RBM47: variants seen among roughly 807,000 people sequenced by gnomAD.
The protein encoded by RBM47 is RNA-binding protein 47.
A neutral mutation model predicts 47.1 loss-of-function variants in RBM47; 21 were observed. That is an observed-to-expected ratio of 0.45 (90% CI 0.32 to 0.64). The LOEUF (loss-of-function observed/expected upper bound fraction) is 0.64, where lower values mean the gene tolerates loss of function less well. Ranked by LOEUF, RBM47 falls within the 30% of genes least tolerant of loss-of-function variation. The pLI is 0.05. For synonymous variants in RBM47, 375 were observed against 361.7 expected, an observed-to-expected ratio of 1.04 and a Z score of -0.42; for missense variants, 708 against 870.9, an observed-to-expected ratio of 0.81 and a Z score of 2.35.
chr4:40,471,764 T>G (rs1022900641), intron 2 of RBM47, among the ~76,000 whole-genome samples: 1 of 151,928 alleles, frequency 6.6e-6, no homozygotes, highest in African/African-American at 2.4e-5. Context: ...CCATTGCCCT[T>G]AGACTAAGTT....
intron 1 of RBM47, among the ~76,000 whole-genome samples, chr4:40,564,509 C>T (rs1435031907): frequency 6.6e-6 from 1 of 152,166 alleles, no homozygotes; most frequent in East Asian, 1.9e-4. Flanking sequence ...AGCCACCTAG[C>T]CTATCCTAAG....
chr4:40,568,230 AGC>A (rs1436770361), intron 1 of RBM47, among the ~76,000 whole-genome samples: 1 of 151,714 alleles, frequency 6.6e-6, no homozygotes, highest in Non-Finnish European at 1.5e-5. Context: ...GTTCGAGACC[AGC>A]CTGGGCAACA....
At chr4:40,443,038 T>G (rs1218756438) in intron 3 of RBM47, among the ~76,000 whole-genome samples, 4 of 152,164 alleles carry the variant, frequency 2.6e-5, no homozygotes, top group Admixed American at 1.3e-4. Flanking sequence ...GACATTATGC[T>G]AATAGTGAAA....
chr4:40,541,160 C>G (rs532423197), intron 2 of RBM47, among the ~76,000 whole-genome samples: 26 of 150,364 alleles, frequency 1.7e-4, no homozygotes. Context: ...CAGCTACTCA[C>G]GAGGCTGAGG....
At chr4:40,619,861 G>A (rs925482886) in intron 1 of RBM47, among the ~76,000 whole-genome samples, 3 of 152,236 alleles carry the variant, frequency 2.0e-5, no homozygotes, top group South Asian at 2.1e-4. Flanking sequence ...TGGGTACTTC[G>A]TATCCAGTGT....
chr4:40,568,793 T>C (rs931773774), intron 1 of RBM47, among the ~76,000 whole-genome samples: 5 of 151,876 alleles, frequency 3.3e-5, no homozygotes, highest in East Asian at 1.9e-4. Flanking sequence ...CCAGCCTAAC[T>C]AACATGGTGA....
chr4:40,505,873 C>A (rs566560164), intron 2 of RBM47, among the ~76,000 whole-genome samples: 3 of 149,682 alleles, frequency 2.0e-5, no homozygotes, highest in African/African-American at 7.4e-5. Flanking sequence ...GGTGACAGAG[C>A]GAGAGTCTGT....
intron 1 of RBM47, among the ~76,000 whole-genome samples, chr4:40,573,712 AGACAGAGCAAG>A (rs1335513402): frequency 6.7e-6 from 1 of 150,092 alleles, no homozygotes. Context: ...CCTGGGGAAG[AGACAGAGCAAG>A]GCTCTGTCTA....
chr4:40,493,826 C>G (rs1021286025), intron 2 of RBM47, among the ~76,000 whole-genome samples: 1 of 150,250 alleles, frequency 6.7e-6, no homozygotes, highest in Non-Finnish European at 1.5e-5. Flanking sequence ...GTAATCCCAG[C>G]TACTCCGGAG....
At chr4:40,558,710 T>C (rs7666365) in intron 1 of RBM47, among the ~76,000 whole-genome samples, 3,693 of 151,606 alleles carry the variant, frequency 0.024, 163 homozygotes, top group African/African-American at 0.086. Flanking sequence ...CACCTGTAGT[T>C]CCAGCTAATT....
At chr4:40,511,377 C>G (rs551942598) in intron 2 of RBM47, among the ~76,000 whole-genome samples, 4 of 152,330 alleles carry the variant, frequency 2.6e-5, no homozygotes, top group African/African-American at 9.6e-5. Flanking sequence ...TCAAGAAGAA[C>G]TTGCAGTCTA....
intron 2 of RBM47, among the ~76,000 whole-genome samples, chr4:40,517,540 G>T (rs1379336367): frequency 6.6e-6 from 1 of 152,128 alleles, no homozygotes; most frequent in Non-Finnish European, 1.5e-5. Flanking sequence ...ATAAAAAAAA[G>T]TTTGAAGACA....
intron 2 of RBM47, among the ~76,000 whole-genome samples, chr4:40,503,056 A>G (rs1723608169): frequency 6.6e-6 from 1 of 152,104 alleles, no homozygotes; most frequent in Non-Finnish European, 1.5e-5. Flanking sequence ...GACAGAGGAC[A>G]GTGTTACATC....
At chr4:40,534,988 G>A (rs1727797847) in intron 2 of RBM47, among the ~76,000 whole-genome samples, 1 of 151,494 alleles carries the variant, frequency 6.6e-6, no homozygotes, top group Non-Finnish European at 1.5e-5. Context: ...GTAGGTATGT[G>A]AGCCAGCTCT....
At chr4:40,428,829 T>C (rs1467207632) in intron 6 of RBM47, among the ~76,000 whole-genome samples, 1 of 152,154 alleles carries the variant, frequency 6.6e-6, no homozygotes, top group Non-Finnish European at 1.5e-5. Flanking sequence ...AGGCATCTGA[T>C]CTCCCAATCC....
chr4:40,438,519 C>T lies in RBM47; in HGVS notation c.375G>A (p.Lys125=). 6.2e-7 allele frequency: 1 copy of T among 1,613,786 alleles called. No homozygotes were observed. The highest frequency in any genetic ancestry group is 8.5e-7 in the Non-Finnish European group (1 of 1,179,942). The part of the protein sequence containing the change: ...FVMYCHKHEA[K]RAVRELNNYE... Reference sequence around the variant, plus strand: ...AGTTGTTGAGCTCACGCACTGCGCGCTTGGCCTCGTGCTTGTGGCAGTACA... The same window carrying T: ...AGTTGTTGAGCTCACGCACTGCGCGTTTGGCCTCGTGCTTGTGGCAGTACA... Residue 125 remains lysine, a synonymous_variant, in exon 4 of 7, where the codon AAG becomes AAA. Coordinates refer to ENST00000295971, the MANE Select transcript of RBM47 (RefSeq NM_001098634.2).
chr4:40,451,347 G>A (rs1715415443), intron 3 of RBM47, among the ~76,000 whole-genome samples: 1 of 152,072 alleles, frequency 6.6e-6, no homozygotes, highest in African/African-American at 2.4e-5. Flanking sequence ...TACCATAAAG[G>A]CTTGTTAAGA....
At chr4:40,568,419 A>C in intron 1 of RBM47, among the ~76,000 whole-genome samples, 4 of 111,808 alleles carry the variant, frequency 3.6e-5, no homozygotes, top group Admixed American at 1.1e-4. Flanking sequence ...ACATGGTAAA[A>C]CCCTGTCTCA....
intron 2 of RBM47, among the ~76,000 whole-genome samples, chr4:40,534,659 G>C (rs1382254625): frequency 6.6e-6 from 1 of 152,164 alleles, no homozygotes; most frequent in African/African-American, 2.4e-5. Flanking sequence ...ACTCGGCCGG[G>C]TGCGGTGGCT....
Sources: gnomAD v4.1 joint callset for allele counts (sites outside exome capture counted in the v4.1 genomes callset) on GRCh38, gnomAD v4.1.1 for gene constraint, MANE v1.5 for transcripts, NCBI Gene and HGNC (gene_info 2026-07-23, HGNC 2026-07-21) for gene names.